FHIT: variants seen among roughly 807,000 people sequenced by gnomAD.
The protein encoded by FHIT is fragile histidine triad diadenosine triphosphatase.
FHIT carries 19 observed loss-of-function variants against 17.9 expected under a neutral mutation model. The observed-to-expected ratio is 1.06, with a 90% CI of 0.74 to 1.56. FHIT has a LOEUF of 1.56. FHIT is among the 40% of genes most tolerant of loss of function. The probability of loss-of-function intolerance (pLI) is 0.00; values close to 1 mark genes in which losing one functional copy is unlikely to be tolerated. For missense variants in FHIT, 248 were observed against 189.2 expected (o/e 1.31, Z -1.82); for synonymous variants, 81 against 69.7 (o/e 1.16, Z -0.81).
rs373432758 is a variant in FHIT at position 61,109,479 on chromosome 3, C to G, written c.-163-67380G>C. Reference sequence around the variant, plus strand: ...CAGGGAGAGTGCTAAGTAAATATGCCATATAAACTGCATGTTTTTTGCAAG... The same window carrying G: ...CAGGGAGAGTGCTAAGTAAATATGCGATATAAACTGCATGTTTTTTGCAAG... On this transcript the variant is annotated intron_variant, in intron 2 of 9. Transcript: ENST00000492590. Among the ~76,000 whole-genome samples the G allele has an allele frequency of 2.8e-4, 43 of 152,150 alleles. No individual in the cohort carries two copies. In the East Asian group the frequency reaches 6.2e-3, roughly 22 times the overall value.
chr3:60,988,973 A>AAAAAC, intron 3 of FHIT, among the ~76,000 whole-genome samples: 1 of 141,724 alleles, frequency 7.1e-6, no homozygotes, highest in Non-Finnish European at 1.5e-5. Flanking sequence ...AAAAAAAAAA[A>AAAAAC]AACAAGATAA....
At chr3:60,105,846 G>T (rs1297908309) in intron 5 of FHIT, among the ~76,000 whole-genome samples, 2 of 152,068 alleles carry the variant, frequency 1.3e-5, no homozygotes, top group African/African-American at 4.8e-5. Flanking sequence ...AAATGGGCAG[G>T]AAAATTAGTA....
At chr3:60,141,143 GA>G (rs564926645) in intron 5 of FHIT, among the ~76,000 whole-genome samples, 1 of 152,194 alleles carries the variant, frequency 6.6e-6, no homozygotes, top group African/African-American at 2.4e-5. Context: ...TTCGAGGGGG[GA>G]TAACTGGAAG....
chr3:60,710,336 G>A (rs1553704692), intron 4 of FHIT, among the ~76,000 whole-genome samples: 2 of 152,216 alleles, frequency 1.3e-5, no homozygotes, highest in East Asian at 3.9e-4. Context: ...AGCTCCCAGA[G>A]TGAGCGACAC....
At chr3:60,655,523 A>G (rs1217892561) in intron 4 of FHIT, among the ~76,000 whole-genome samples, 4 of 152,192 alleles carry the variant, frequency 2.6e-5, no homozygotes, top group Non-Finnish European at 5.9e-5. Flanking sequence ...GAGACACATC[A>G]TTTTATCTCG....
intron 5 of FHIT, among the ~76,000 whole-genome samples, chr3:60,501,622 G>C (rs932293081): frequency 6.6e-6 from 1 of 152,174 alleles, no homozygotes; most frequent in African/African-American, 2.4e-5. Context: ...AGAATCCTTA[G>C]AGTGAGAAAT....
Position 59,998,145 on chromosome 3 carries a change from G to C in FHIT, c.279+13226C>G, listed in dbSNP as rs375436316. On this transcript the variant is annotated intron_variant, in intron 7 of 9. Coordinates refer to ENST00000492590, the MANE Select transcript of FHIT (RefSeq NM_002012.4). The stretch of plus-strand genomic sequence containing the variant: ...CAAATTGCTTTTCTATTTTCCTAAA[G>C]TGAGCTGAAAGATGAGCCAATCGAC... Among the ~76,000 whole-genome samples, 22 of 152,230 alleles carry C rather than the reference G, an allele frequency of 1.4e-4. No homozygotes were observed. In the East Asian group the frequency reaches 3.1e-3, roughly 21 times the overall value.
At chr3:59,986,596 CAT>C (rs1259230825) in intron 7 of FHIT, among the ~76,000 whole-genome samples, 1 of 63,954 alleles carries the variant, frequency 1.6e-5, no homozygotes, top group Non-Finnish European at 2.7e-5. Context: ...CACACACACA[CAT>C]ATATATGTGT....
chr3:60,331,759 T>C (rs1159066822), intron 5 of FHIT, among the ~76,000 whole-genome samples: 1 of 150,964 alleles, frequency 6.6e-6, no homozygotes, highest in East Asian at 1.9e-4. Flanking sequence ...GGTAGGAGAA[T>C]CACTTGAACC....
intron 3 of FHIT, among the ~76,000 whole-genome samples, chr3:60,860,450 ATACATATG>A (rs1390887252): frequency 3.2e-5 from 4 of 124,372 alleles, no homozygotes; most frequent in Non-Finnish European, 7.0e-5. Flanking sequence ...TGTATATATG[ATACATATG>A]TACATATATA....
chr3:60,111,432 C>G (rs1364389314), intron 5 of FHIT, among the ~76,000 whole-genome samples: 1 of 152,134 alleles, frequency 6.6e-6, no homozygotes, highest in Non-Finnish European at 1.5e-5. Flanking sequence ...CCTCTAAAAC[C>G]ACTGATATAT....
chr3:59,921,047 A>G (rs1030038006), intron 8 of FHIT, among the ~76,000 whole-genome samples: 1 of 152,136 alleles, frequency 6.6e-6, no homozygotes, highest in African/African-American at 2.4e-5. Flanking sequence ...CTGGTCCACA[A>G]ATCAGCACTT....
chr3:61,208,727 G>A (rs2039344585), intron 1 of FHIT, among the ~76,000 whole-genome samples: 1 of 151,862 alleles, frequency 6.6e-6, no homozygotes, highest in Non-Finnish European at 1.5e-5. Flanking sequence ...CATGACATGG[G>A]TTTCCTGAAT....
intron 4 of FHIT, among the ~76,000 whole-genome samples, chr3:60,665,492 A>T (rs2040359972): frequency 6.6e-6 from 1 of 151,988 alleles, no homozygotes. Flanking sequence ...TTTGTCTTCC[A>T]GGTGGATCCA....
intron 3 of FHIT, among the ~76,000 whole-genome samples, chr3:60,833,120 G>T (rs1028341201): frequency 6.6e-6 from 1 of 152,130 alleles, no homozygotes; most frequent in Non-Finnish European, 1.5e-5. Flanking sequence ...CCATTGTTCT[G>T]AGATTTAAGT....
At chr3:60,643,835 G>A (rs1416791976) in intron 4 of FHIT, among the ~76,000 whole-genome samples, 2 of 152,120 alleles carry the variant, frequency 1.3e-5, no homozygotes, top group Non-Finnish European at 2.9e-5. Flanking sequence ...ATCATCATTA[G>A]AATCATCTGA....
chr3:60,704,320 C>G (rs1444952966), intron 4 of FHIT, among the ~76,000 whole-genome samples: 2 of 152,090 alleles, frequency 1.3e-5, no homozygotes. Flanking sequence ...TTCCACTGAG[C>G]TACAATAAAG....
intron 3 of FHIT, among the ~76,000 whole-genome samples, chr3:60,880,755 A>T (rs1839067): frequency 0.24 from 36,345 of 152,096 alleles, 4,836 homozygotes; most frequent in African/African-American, 0.34. Context: ...AACAACAACA[A>T]CAACAACAAA....
Position 60,404,394 on chromosome 3 carries a change from A to G in FHIT, c.103+132466T>C, listed in dbSNP as rs140565331. Among the ~76,000 whole-genome samples, 724 of 152,288 alleles carry G rather than the reference A, an allele frequency of 4.8e-3. 10 individuals carry two copies. Among genetic ancestry groups the G allele is most frequent in the African/African-American group, 0.017 (699 of 41,572 alleles). On this transcript the variant is annotated intron_variant, in intron 5 of 9. Coordinates refer to ENST00000492590, the MANE Select transcript of FHIT (RefSeq NM_002012.4). ...GACAGAGAATCTATTATTTCAGGTCACTGAGTATGTACTACTCAGTTGTCT... is the reference window on the plus strand; with the variant it reads ...GACAGAGAATCTATTATTTCAGGTCGCTGAGTATGTACTACTCAGTTGTCT...
Sources: allele counts gnomAD v4.1 joint callset (sites outside exome capture counted in the v4.1 genomes callset), GRCh38; gene constraint gnomAD v4.1.1; transcripts MANE v1.5; gene names NCBI Gene and HGNC (gene_info 2026-07-23, HGNC 2026-07-21).